The following MSI2 variants were observed in gnomAD, a reference collection of about 807,000 sequenced individuals.
MSI2 encodes the protein RNA-binding protein Musashi homolog 2.
In MSI2, 17 loss-of-function variants were observed where a neutral mutation model predicts 45.6. The ratio of observed to expected loss-of-function variants is 0.37; its 90% CI spans 0.26 to 0.56. MSI2 has a LOEUF of 0.56. MSI2 is among the 20% of genes least tolerant of loss of function. The pLI is 0.77. For missense variants in MSI2, 293 were observed against 444.2 expected, an observed-to-expected ratio of 0.66 and a Z score of 3.06; for synonymous variants, 156 against 158.2, an observed-to-expected ratio of 0.99 and a Z score of 0.11.
chr17:57,455,205 G>A (rs1031972678), intron 6 of MSI2, among the ~76,000 whole-genome samples: 1 of 152,102 alleles, frequency 6.6e-6, no homozygotes, highest in African/African-American at 2.4e-5. Flanking sequence ...ATTGCAGCTT[G>A]TATATGAAAC....
At chr17:57,675,854 A>G (rs1913191916) in intron 12 of MSI2, among the ~76,000 whole-genome samples, 1 of 152,204 alleles carries the variant, frequency 6.6e-6, no homozygotes, top group Non-Finnish European at 1.5e-5. Flanking sequence ...TAATCCAGGC[A>G]ATGGAAATTT....
At chr17:57,337,904 G>T (rs756789438) in intron 5 of MSI2, among the ~76,000 whole-genome samples, 2 of 152,130 alleles carry the variant, frequency 1.3e-5, no homozygotes, top group Non-Finnish European at 2.9e-5. Context: ...GAATCACGCT[G>T]TGTTGTGTGC....
At chr17:57,605,850 G>A (rs780015790) in intron 8 of MSI2, among the ~76,000 whole-genome samples, 25 of 152,316 alleles carry the variant, frequency 1.6e-4, no homozygotes, top group Non-Finnish European at 2.9e-4. Context: ...TAGGCCCCAC[G>A]CAGGGCCTCT....
At chr17:57,466,725 G>T (rs932553718) in intron 6 of MSI2, among the ~76,000 whole-genome samples, 10 of 151,988 alleles carry the variant, frequency 6.6e-5, no homozygotes, top group African/African-American at 2.4e-4. Flanking sequence ...TGTCCCACAG[G>T]GTCTTGAACT....
intron 5 of MSI2, among the ~76,000 whole-genome samples, chr17:57,382,505 G>T (rs2083614323): frequency 1.3e-5 from 2 of 152,216 alleles, no homozygotes; most frequent in African/African-American, 4.8e-5. Flanking sequence ...CTTGAATGAA[G>T]ATCTGGGGTG....
intron 6 of MSI2, among the ~76,000 whole-genome samples, chr17:57,408,343 A>G (rs1005207067): frequency 1.3e-5 from 2 of 152,206 alleles, no homozygotes; most frequent in Non-Finnish European, 2.9e-5. Context: ...CAAATAGAAA[A>G]CTAGGATGCC....
At chr17:57,472,925 T>G (rs1217746685) in intron 6 of MSI2, among the ~76,000 whole-genome samples, 1 of 151,720 alleles carries the variant, frequency 6.6e-6, no homozygotes, top group Admixed American at 6.6e-5. Flanking sequence ...GGAGCCTTGC[T>G]CTTGTCGCCC....
At chr17:57,450,362 T>G (rs1460225661) in intron 6 of MSI2, 1 of 151,930 alleles carries the variant, frequency 6.6e-6, no homozygotes, top group African/African-American at 2.4e-5. Context: ...AGAAGTCACT[T>G]TCCTTAGAAA....
chr17:57,691,200 CATCTA>C, the MSI2 span, among the ~76,000 whole-genome samples: 2 of 140,206 alleles, frequency 1.4e-5, no homozygotes, highest in African/African-American at 5.2e-5. Flanking sequence ...CTCTCTCTCT[CATCTA>C]TCTATCTATC....
chr17:57,416,703 T>C (rs1598241933), intron 6 of MSI2, among the ~76,000 whole-genome samples: 1 of 152,206 alleles, frequency 6.6e-6, no homozygotes, highest in East Asian at 1.9e-4. Context: ...CTGATCTGCC[T>C]CACAGCCTAC....
chr17:57,632,095 T>TA, intron 10 of MSI2: 2 of 1,270,306 alleles, frequency 1.6e-6, no homozygotes, highest in Non-Finnish European at 2.0e-6. Flanking sequence ...CCTCAGAATG[T>TA]AACGGGGCCA....
At chr17:57,526,364 TGTGTGTGTGTGTGTGTGTGTGTG>T (rs2086698570) in intron 6 of MSI2, among the ~76,000 whole-genome samples, 1 of 80,020 alleles carries the variant, frequency 1.2e-5, no homozygotes, top group East Asian at 4.0e-4. Context: ...TGGGTGTGTG[TGTGTGTGTGTGTGTGTGTGTGTG>T]TGTGTGTGTG....
intron 5 of MSI2, among the ~76,000 whole-genome samples, chr17:57,298,039 GA>G (rs1911130282): frequency 6.7e-6 from 1 of 149,700 alleles, no homozygotes; most frequent in Non-Finnish European, 1.5e-5. Context: ...TGTTAATGCT[GA>G]TTTTTTTTTT....
intron 8 of MSI2, among the ~76,000 whole-genome samples, chr17:57,607,337 A>T (rs1031938225): frequency 6.6e-6 from 1 of 152,200 alleles, no homozygotes; most frequent in Non-Finnish European, 1.5e-5. Context: ...TATAACATGC[A>T]TGTGTCCTGG....
chr17:57,388,402 GT>G (rs1267842125), intron 5 of MSI2, among the ~76,000 whole-genome samples: 1 of 152,206 alleles, frequency 6.6e-6, no homozygotes, highest in Non-Finnish European at 1.5e-5. Context: ...AGGGTGCAAT[GT>G]GCTTATCGCT....
chr17:57,401,965 A>C (rs996837433), intron 6 of MSI2, among the ~76,000 whole-genome samples: 6 of 152,132 alleles, frequency 3.9e-5, no homozygotes, highest in Non-Finnish European at 5.9e-5. Flanking sequence ...CGAGGCCTGT[A>C]CCTGTCAGCA....
intron 10 of MSI2, chr17:57,632,086 C>T: frequency 7.8e-7 from 1 of 1,285,610 alleles, no homozygotes; most frequent in Admixed American, 4.0e-5. Context: ...ACCCCACTTC[C>T]TCAGAATGTA....
chr17:57,514,903 A>C (rs1451676389), intron 6 of MSI2, among the ~76,000 whole-genome samples: 1 of 152,154 alleles, frequency 6.6e-6, no homozygotes, highest in Non-Finnish European at 1.5e-5. Flanking sequence ...ATCAGGCACC[A>C]TGGGTACCCC....
intron 6 of MSI2, among the ~76,000 whole-genome samples, chr17:57,510,894 T>C (rs2086340333): frequency 6.6e-6 from 1 of 152,182 alleles, no homozygotes; most frequent in Non-Finnish European, 1.5e-5. Flanking sequence ...GGCATTTAAA[T>C]CCCCAGGGCT....
Sources: gnomAD v4.1 joint callset for allele counts (sites outside exome capture counted in the v4.1 genomes callset) on GRCh38, gnomAD v4.1.1 for gene constraint, MANE v1.5 for transcripts, NCBI Gene and HGNC (gene_info 2026-07-23, HGNC 2026-07-21) for gene names.